The following FAM131C variants were observed in gnomAD, a reference collection of about 807,000 sequenced individuals.
The protein encoded by FAM131C is family with sequence similarity 131 member C, also known as protein FAM131C.
FAM131C carries 14 observed loss-of-function variants against 29.8 expected under a neutral mutation model. The observed-to-expected ratio is 0.47, with a 90% CI of 0.31 to 0.73. FAM131C has a LOEUF of 0.73. Among genes scored for constraint, FAM131C ranks in the 30% least tolerant of loss-of-function variants. FAM131C has a pLI of 0.05. For missense variants in FAM131C, 252 were observed against 383.8 expected (o/e 0.66, Z 2.87); for synonymous variants, 86 against 157.8 (o/e 0.54, Z 3.41).
intron 4 of FAM131C, among the ~76,000 whole-genome samples, chr1:16,061,110 G>A (rs2023587331): frequency 6.6e-6 from 1 of 152,172 alleles, no homozygotes; most frequent in East Asian, 1.9e-4. Context: ...CAATATTTAA[G>A]TAGGAGGAAA....
intron 1 of FAM131C, among the ~76,000 whole-genome samples, chr1:16,068,307 T>G (rs946835617): frequency 3.3e-5 from 5 of 152,238 alleles, no homozygotes; most frequent in African/African-American, 4.8e-5. Context: ...GAGCCTTGGA[T>G]TCTCATCTGT....
At chr1:16,065,161 C>A (rs2023665282) in intron 1 of FAM131C, among the ~76,000 whole-genome samples, 1 of 152,178 alleles carries the variant, frequency 6.6e-6, no homozygotes, top group South Asian at 2.1e-4. Context: ...CAAGGGGCAC[C>A]CCAAGCACAC....
intron 1 of FAM131C, among the ~76,000 whole-genome samples, chr1:16,072,834 G>A (rs1435681851): frequency 6.6e-6 from 1 of 152,030 alleles, no homozygotes; most frequent in East Asian, 1.9e-4. Context: ...AACATCAGCT[G>A]TGCTCTGGCC....
Position 16,059,493 on chromosome 1 carries a change from C to T in FAM131C, c.562+1G>A, listed in dbSNP as rs1398505099. 2 of 1,610,918 alleles carry T rather than the reference C, an allele frequency of 1.2e-6. No homozygotes were observed. Among genetic ancestry groups the T allele is most frequent in the Non-Finnish European group, 1.7e-6 (2 of 1,178,610 alleles). On this transcript the variant is annotated splice_donor_variant, in intron 6 of 6. Transcript: ENST00000375662. LOFTEE classifies it high-confidence loss of function. ...CGCCCCCTGGACCCTCTGGGCTGTA[C>T]CTTGGAGCTGGACGATGCCTTGGGG... is the stretch of plus-strand genomic sequence containing the variant.
Position 16,065,117 on chromosome 1 carries a change from C to T in FAM131C, c.23-1481G>A, listed in dbSNP as rs528672009. On this transcript the variant is annotated intron_variant, in intron 1 of 6. Coordinates refer to ENST00000375662, the MANE Select transcript of FAM131C (RefSeq NM_182623.3). ...CCAGCCCTGACTCCTCACTTGAGCT[C>T]CCAACTGAGTTTCCAGCTCTCCACA... 1.5e-4 allele frequency among the ~76,000 whole-genome samples: 23 copies of T among 152,324 alleles called. No homozygotes were observed. The South Asian group carries it at 4.6e-3, about 30-fold the overall frequency.
rs1342906574 is a variant in FAM131C at position 16,058,104 on chromosome 1, C to G, written c.*333G>C. The G allele has an allele frequency of 3.7e-5, 7 of 187,670 alleles. No individual in the cohort carries two copies. Among genetic ancestry groups the G allele is most frequent in the African/African-American group, 1.4e-4 (6 of 43,054 alleles). 11.6% of individuals were successfully genotyped at this position (187,670 alleles called of 1,614,324 possible). On this transcript the variant is annotated 3_prime_UTR_variant, in exon 7 of 7. Transcript: ENST00000375662. The stretch of plus-strand genomic sequence containing the variant: ...CTCAGTTCTCTCCATGGCTGTCCTC[C>G]TGGGGGCCTGGCTGTTGCTCCTCTG...
intron 1 of FAM131C, among the ~76,000 whole-genome samples, chr1:16,072,615 G>A (rs1264996073): frequency 6.6e-6 from 1 of 152,154 alleles, no homozygotes; most frequent in African/African-American, 2.4e-5. Flanking sequence ...TGATGGGTGG[G>A]GGTGGAGGTA....
At chr1:16,063,288 G>A (rs2023630171) in intron 2 of FAM131C, among the ~76,000 whole-genome samples, 1 of 148,452 alleles carries the variant, frequency 6.7e-6, no homozygotes, top group Non-Finnish European at 1.5e-5. Context: ...ATTTGCGCAG[G>A]AAGACCTTCA....
At chr1:16,064,831 A>G (rs542135693) in intron 1 of FAM131C, among the ~76,000 whole-genome samples, 1 of 152,310 alleles carries the variant, frequency 6.6e-6, no homozygotes, top group Admixed American at 6.5e-5. Context: ...GCTGCCAGGA[A>G]AATCCGTGGG....
Position 16,062,292 on chromosome 1 carries a change from C to G in FAM131C, c.175-100G>C, listed in dbSNP as rs1570354258. 25 of 1,501,930 alleles carry G rather than the reference C, an allele frequency of 1.7e-5. No individual in the cohort carries two copies. The East Asian group carries it at 6.2e-4, about 37-fold the overall frequency. The allele number at this position is 1,501,930 out of a possible 1,614,324, so 93.0% of individuals were successfully genotyped here. A position where few individuals can be genotyped will look rare whatever the true frequency, so the allele number is the denominator to read the frequency against. ...TCCCCGTCTCCCAGCTCACCAGGTCCTCTGGCCAGTGGGCAGGGACAGGGC... is the reference window on the plus strand; with the variant it reads ...TCCCCGTCTCCCAGCTCACCAGGTCGTCTGGCCAGTGGGCAGGGACAGGGC... On this transcript the variant is annotated intron_variant, in intron 3 of 6. Coordinates refer to ENST00000375662, the MANE Select transcript of FAM131C (RefSeq NM_182623.3).
At position 16,071,155 on chromosome 1, in the gene FAM131C, G is replaced by A. The variant is rs530418005; in HGVS notation, c.22+2266C>T. ...CGCTCAGAGGCTATGATTAGCAATC[G>A]ATTGCTGGTGCAGGGGCCAGGTGGG... On this transcript the variant is annotated intron_variant, in intron 1 of 6. Transcript: ENST00000375662. Among the ~76,000 whole-genome samples the A allele has an allele frequency of 4.6e-5, 7 of 152,364 alleles. No individual in the cohort carries two copies. The South Asian group carries it at 8.3e-4, about 18-fold the overall frequency.
chr1:16,068,509 A>G (rs1232804069), intron 1 of FAM131C, among the ~76,000 whole-genome samples: 1 of 152,230 alleles, frequency 6.6e-6, no homozygotes, highest in Non-Finnish European at 1.5e-5. Flanking sequence ...CGCAGAGGGA[A>G]GCCCTTGAGG....
intron 1 of FAM131C, among the ~76,000 whole-genome samples, chr1:16,066,815 G>A (rs1570357488): frequency 1.3e-5 from 2 of 152,300 alleles, no homozygotes; most frequent in Admixed American, 6.5e-5. Context: ...AGTCAAAAAA[G>A]TTTGCAAGTT....
intron 1 of FAM131C, among the ~76,000 whole-genome samples, chr1:16,069,602 A>T (rs2023726937): frequency 6.6e-6 from 1 of 152,154 alleles, no homozygotes. Context: ...TGGTTATGGC[A>T]CCAAGGGCAT....
chr1:16,059,924 C>G lies in FAM131C; in HGVS notation c.396G>C (p.Glu132Asp), dbSNP rs1427589068. The stretch of plus-strand genomic sequence containing the variant: ...CCGGGAGGCAGCAGTAATGCTCGTC[C>G]TCAGCTGGGGACAGCTCCCAGCCTG... Reference protein sequence around the residue: ...QPAGWELSPAEDEHYCCLPDE... With the variant: ...QPAGWELSPADDEHYCCLPDE... Residue 132 changes from glutamate (E) to aspartate (D), a missense_variant, in exon 5 of 7, where the codon GAG becomes GAC. Glu to Asp is a conservative substitution (Grantham distance 45). Transcript: ENST00000375662. 3 of 1,611,240 alleles carry G rather than the reference C, an allele frequency of 1.9e-6. No individual in the cohort carries two copies. The highest frequency in any genetic ancestry group is 2.2e-5 in the South Asian group (2 of 90,956).
At chr1:16,059,451 T>C in intron 6 of FAM131C, 43 bp downstream of exon 6, 3 of 1,595,166 alleles carry the variant, frequency 1.9e-6, no homozygotes, top group Non-Finnish European at 2.6e-6. Context: ...CAGAATCAGC[T>C]CCACTCTGCC....
chr1:16,072,045 T>C (rs2023755656), intron 1 of FAM131C, among the ~76,000 whole-genome samples: 1 of 152,122 alleles, frequency 6.6e-6, no homozygotes, highest in African/African-American at 2.4e-5. Flanking sequence ...CCCTCAGCAC[T>C]CCTCACTCTT....
In FAM131C at chr1:16,058,372, T is replaced by A. The variant is rs1332825246; in HGVS notation, c.*65A>T. 67 of 1,404,266 alleles carry A rather than the reference T, an allele frequency of 4.8e-5. No individual in the cohort carries two copies. The East Asian group carries it at 1.7e-3, about 35-fold the overall frequency. 87.0% of individuals were successfully genotyped at this position (1,404,266 alleles called of 1,614,324 possible). A position where few individuals can be genotyped will look rare whatever the true frequency, so the allele number is the denominator to read the frequency against. On this transcript the variant is annotated 3_prime_UTR_variant, in exon 7 of 7. Transcript: ENST00000375662. ...TGCCCTGGACCCCGGGGTCCAGATA[T>A]GCCTGGGCTGCCCACCAGGCGAGGT...
intron 1 of FAM131C, among the ~76,000 whole-genome samples, chr1:16,064,279 C>G (rs997704214): frequency 6.6e-6 from 1 of 152,166 alleles, no homozygotes; most frequent in Non-Finnish European, 1.5e-5. Flanking sequence ...GCTTCTGCCC[C>G]TCCCTCACTG....
Sources: gnomAD v4.1 joint callset for allele counts (sites outside exome capture counted in the v4.1 genomes callset) on GRCh38, gnomAD v4.1.1 for gene constraint, MANE v1.5 for transcripts, NCBI Gene and HGNC (gene_info 2026-07-23, HGNC 2026-07-21) for gene names.